Variants in ANKRD26 observed in about 807,000 individuals in gnomAD.
ANKRD26 encodes the protein ankyrin repeat domain 26.
Under a neutral mutation model 208.7 loss-of-function variants are expected in ANKRD26, and 141 were observed. The observed-to-expected ratio is 0.68, with a 90% CI of 0.59 to 0.78. ANKRD26 has a LOEUF of 0.78. ANKRD26 is among the 30% of genes least tolerant of loss of function. The pLI is 0.00. For missense variants in ANKRD26, 1,889 were observed against 1,938.7 expected (o/e 0.97, Z 0.48); for synonymous variants, 636 against 660.4 (o/e 0.96, Z 0.57).
intron 25 of ANKRD26, chr10:27,030,536 T>C (rs10829165): frequency 0.77 from 763,221 of 985,158 alleles, 296,510 homozygotes; most frequent in East Asian, 0.99. Flanking sequence ...TGTCGTACGG[T>C]GTAGGAGAAA....
At chr10:27,043,041 C>T (rs1238155836) in intron 20 of ANKRD26, among the ~76,000 whole-genome samples, 1 of 148,412 alleles carries the variant, frequency 6.7e-6, no homozygotes, top group Non-Finnish European at 1.5e-5. Flanking sequence ...TATGCAAAGA[C>T]TTCTTAAATG....
At chr10:27,040,922 T>G (rs946533299) in intron 20 of ANKRD26, among the ~76,000 whole-genome samples, 6 of 150,402 alleles carry the variant, frequency 4.0e-5, no homozygotes, top group African/African-American at 1.5e-4. Flanking sequence ...CACAGCTACT[T>G]GGGGGGGCCG....
chr10:26,953,259 C>T, the ANKRD26 span, among the ~76,000 whole-genome samples: 769 of 152,098 alleles, frequency 5.1e-3, 6 homozygotes, highest in African/African-American at 0.015. Context: ...GACCCTGTCT[C>T]TACAAAAAAT....
downstream of ANKRD26, chr10:26,991,903 T>A (rs1222431706): frequency 6.6e-6 from 1 of 152,164 alleles, no homozygotes; most frequent in East Asian, 1.9e-4. Context: ...TTATGCATTT[T>A]AACAAAAAAT....
At chr10:27,042,990 C>A (rs1269384801) in intron 20 of ANKRD26, among the ~76,000 whole-genome samples, 1 of 144,874 alleles carries the variant, frequency 6.9e-6, no homozygotes, top group East Asian at 2.0e-4. Flanking sequence ...TATAAAATTT[C>A]TAGAAAAAAA....
At chr10:27,051,780 G>C in intron 16 of ANKRD26, 4 of 985,298 alleles carry the variant, frequency 4.1e-6, no homozygotes, top group Non-Finnish European at 4.8e-6. Context: ...TATATTATTT[G>C]TCAAAGAAGA....
At chr10:26,951,019 C>CTTTTTTTTTTTTTTT in the ANKRD26 span, among the ~76,000 whole-genome samples, 17 of 48,568 alleles carry the variant, frequency 3.5e-4, no homozygotes, top group South Asian at 1.7e-3. Flanking sequence ...TTTTCTTTTT[C>CTTTTTTTTTTTTTTT]TTTTTTTTTT....
intron 19 of ANKRD26, 108 bp from the exon 20 acceptor site, chr10:27,043,675 A>T: frequency 1.8e-6 from 2 of 1,132,046 alleles, no homozygotes; most frequent in South Asian, 1.4e-5. Context: ...GGTATTTCTT[A>T]AAAAGAACTG....
At chr10:27,039,909 T>C in intron 21 of ANKRD26, 56 bp downstream of exon 21, 1 of 1,513,340 alleles carries the variant, frequency 6.6e-7, no homozygotes, top group Non-Finnish European at 9.2e-7. Context: ...TTACAAGAAT[T>C]CTATATATCT....
At chr10:27,080,703 A>G in intron 6 of ANKRD26, 1 of 985,462 alleles carries the variant, frequency 1.0e-6, no homozygotes, top group Non-Finnish European at 1.2e-6. Flanking sequence ...TCTTCAGCCT[A>G]TGAAGGCACA....
At chr10:26,954,756 T>C in the ANKRD26 span, among the ~76,000 whole-genome samples, 1 of 152,146 alleles carries the variant, frequency 6.6e-6, no homozygotes, top group African/African-American at 2.4e-5. Context: ...GTTTATAAAA[T>C]AAGAGTAGAT....
At chr10:26,995,009 G>T in intron 5 of ANKRD26, 1 of 469,046 alleles carries the variant, frequency 2.1e-6, no homozygotes, top group South Asian at 1.6e-5. Flanking sequence ...ACATTTCCAT[G>T]CTCCCCTCTT....
At chr10:26,965,034 A>G in the ANKRD26 span, among the ~76,000 whole-genome samples, 17 of 152,316 alleles carry the variant, frequency 1.1e-4, no homozygotes, top group African/African-American at 1.7e-4. Context: ...TCTTTTGCCA[A>G]TTGAAAAGCT....
chr10:26,990,472 G>A (rs2052466283), downstream of ANKRD26, among the ~76,000 whole-genome samples: 1 of 152,170 alleles, frequency 6.6e-6, no homozygotes, highest in African/African-American at 2.4e-5. Context: ...TCTTGAACCA[G>A]TTTGGTCCAC....
In ANKRD26 at chr10:26,974,934, T is replaced by A. The variant is rs114959692; in HGVS notation, c.*1390A>T. On this transcript the variant is annotated 3_prime_UTR_variant and NMD_transcript_variant, in exon 6 of 6. Coordinates refer to the ANKRD26 transcript ENST00000674670. ...CTTTTCTCTCTCACTATTATTAGAA[T>A]CTCTTTTTCTTTGATATCTGCAGTT... Among the ~76,000 whole-genome samples the A allele has an allele frequency of 4.6e-3, 702 of 152,272 alleles. 6 individuals carry two copies. Among genetic ancestry groups the A allele is most frequent in the African/African-American group, 0.016 (658 of 41,548 alleles).
chr10:26,972,551 C>T (rs966749301), downstream of ANKRD26, among the ~76,000 whole-genome samples: 1 of 151,224 alleles, frequency 6.6e-6, no homozygotes, highest in Non-Finnish European at 1.5e-5. Context: ...CAACTATAAC[C>T]AACCATTTGT....
At chr10:27,067,309 A>C in intron 9 of ANKRD26, 23 bp from the exon 10 acceptor site, 1 of 1,610,134 alleles carries the variant, frequency 6.2e-7, no homozygotes, top group Non-Finnish European at 8.5e-7. Context: ...AAAACAAACA[A>C]ACAAAAAACT....
At chr10:27,012,605 A>G (rs1173793557) in intron 32 of ANKRD26, among the ~76,000 whole-genome samples, 8 of 152,150 alleles carry the variant, frequency 5.3e-5, no homozygotes, top group Non-Finnish European at 1.2e-4. Flanking sequence ...ATTTGAAACC[A>G]GAAGTTTGAG....
downstream of ANKRD26, among the ~76,000 whole-genome samples, chr10:26,990,898 C>A (rs960232161): frequency 1.2e-4 from 18 of 152,264 alleles, no homozygotes; most frequent in African/African-American, 3.9e-4. Flanking sequence ...GAAGAATAAA[C>A]TAACGTTTAG....
Sources: gnomAD v4.1 joint callset for allele counts (sites outside exome capture counted in the v4.1 genomes callset) on GRCh38, gnomAD v4.1.1 for gene constraint, MANE v1.5 for transcripts, NCBI Gene and HGNC (gene_info 2026-07-23, HGNC 2026-07-21) for gene names.